The following PCDHGA5 variants were observed in gnomAD, a reference collection of about 807,000 sequenced individuals.
The protein encoded by PCDHGA5 is protocadherin gamma-A5.
A neutral mutation model predicts 56.7 loss-of-function variants in PCDHGA5; 36 were observed. That is an observed-to-expected ratio of 0.64 (90% CI 0.49 to 0.84). The LOEUF (loss-of-function observed/expected upper bound fraction) is 0.84, where lower values mean the gene tolerates loss of function less well. Among genes scored for constraint, PCDHGA5 ranks in the 40% least tolerant of loss-of-function variants. The probability of loss-of-function intolerance (pLI) is 0.00; values close to 1 mark genes in which losing one functional copy is unlikely to be tolerated. For synonymous variants in PCDHGA5, 563 were observed against 520.2 expected, an observed-to-expected ratio of 1.08 and a Z score of -1.12; for missense variants, 1,305 against 1,201.5, an observed-to-expected ratio of 1.09 and a Z score of -1.27.
intron 1 of PCDHGA5, chr5:141,398,655 A>G (rs760602313): frequency 3.1e-6 from 5 of 1,614,034 alleles, no homozygotes; most frequent in Non-Finnish European, 4.2e-6. Context: ...CTCTTAACCC[A>G]AGTTTCTCAT....
chr5:141,419,729 G>T (rs1436631336), intron 1 of PCDHGA5: 1 of 1,613,758 alleles, frequency 6.2e-7, no homozygotes, highest in Admixed American at 1.7e-5. Context: ...GCTGCGAACA[G>T]GCGAGGTGCG....
chr5:141,390,464 T>C (rs2092153361), intron 1 of PCDHGA5: 3 of 718,912 alleles, frequency 4.2e-6, no homozygotes, highest in Admixed American at 3.0e-5. Flanking sequence ...GTAGGAGCAA[T>C]TGTGTGGCCC....
chr5:141,474,488 A>C (rs2099350464), intron 1 of PCDHGA5, among the ~76,000 whole-genome samples: 1 of 152,208 alleles, frequency 6.6e-6, no homozygotes. Flanking sequence ...AATGTATTCT[A>C]TCTTCTAATG....
chr5:141,387,866 G>A, intron 1 of PCDHGA5: 2 of 1,590,640 alleles, frequency 1.3e-6, no homozygotes, highest in South Asian at 1.1e-5. Context: ...TGGTGAGCAA[G>A]CTGAGGAGAG....
chr5:141,366,466 G>A lies in PCDHGA5; in HGVS notation c.2136G>A (p.Leu712=). 1 of 1,614,228 alleles carries A rather than the reference G, an allele frequency of 6.2e-7. No individual in the cohort carries two copies. Among genetic ancestry groups the A allele is most frequent in the Non-Finnish European group, 8.5e-7 (1 of 1,180,050 alleles). Reference sequence around the variant, plus strand: ...TCCTGGCCTTCGTCATCGTGCTGCTGGTGCTCAGACTGAGGCGCTGGCACA... The same window carrying A: ...TCCTGGCCTTCGTCATCGTGCTGCTAGTGCTCAGACTGAGGCGCTGGCACA... The part of the protein sequence containing the change: ...CVFLAFVIVL[L]VLRLRRWHKS... Residue 712 remains leucine, a synonymous_variant, in exon 1 of 4, where the codon CTG becomes CTA. Transcript: ENST00000518069.
Position 141,487,421 on chromosome 5 carries a change from C to T in PCDHGA5, c.2422-7386C>T. ...GGGGCTTCCCCCTTCCAATGGGATC[C>T]TCCGAATCCAGCTAGGGTCAGATGA... On this transcript the variant is annotated intron_variant, in intron 1 of 3. Coordinates refer to ENST00000518069, the MANE Select transcript of PCDHGA5 (RefSeq NM_018918.3). This position sits in a 1 kb window ranked among gnomAD's most constrained non-coding sequence, Gnocchi z 5.0. The T allele has an allele frequency of 6.2e-7, 1 of 1,614,144 alleles. No homozygotes were observed. The highest frequency in any genetic ancestry group is 1.1e-5 in the South Asian group (1 of 91,082).
At chr5:141,471,046 C>CT (rs1170588345) in intron 1 of PCDHGA5, among the ~76,000 whole-genome samples, 3,156 of 113,234 alleles carry the variant, frequency 0.028, 57 homozygotes, top group African/African-American at 0.046. Context: ...CCCAAGCCCT[C>CT]TTTTTTTTTT....
chr5:141,371,003 A>G (rs945261754), intron 1 of PCDHGA5: 20 of 1,613,844 alleles, frequency 1.2e-5, no homozygotes, highest in Non-Finnish European at 1.6e-5. Flanking sequence ...TGGACAGGGA[A>G]GAGCAGCCAC....
At chr5:141,372,540 C>T (rs1208837944) in intron 1 of PCDHGA5, 2 of 1,614,012 alleles carry the variant, frequency 1.2e-6, no homozygotes, top group Non-Finnish European at 1.7e-6. Flanking sequence ...CCTGCGCCTG[C>T]GATGCTCCTC....
rs779191558 is a variant in PCDHGA5 at position 141,491,465 on chromosome 5, A to T, written c.2422-3342A>T. 3.1e-6 allele frequency: 5 copies of T among 1,614,092 alleles called. No homozygotes were observed. Among genetic ancestry groups the T allele is most frequent in the Non-Finnish European group, 4.2e-6 (5 of 1,180,010 alleles). On this transcript the variant is annotated intron_variant, in intron 1 of 3. Transcript: ENST00000518069. The surrounding 1 kb of genome is among the most constrained non-coding windows in gnomAD (Gnocchi z 6.9). ...CAGGACTCACCCTCCCCGGACTTCT[A>T]TAAGCAGTCCAGCCCCAACCTGCAG... is the stretch of plus-strand genomic sequence containing the variant.
chr5:141,403,984 A>C, intron 1 of PCDHGA5: 1 of 1,613,892 alleles, frequency 6.2e-7, no homozygotes, highest in South Asian at 1.1e-5. Flanking sequence ...ATGACAATAG[A>C]CCTGAAGTGA....
Position 141,493,788 on chromosome 5 carries a change from C to A in PCDHGA5, c.2422-1019C>A, listed in dbSNP as rs2099750132. On this transcript the variant is annotated intron_variant, in intron 1 of 3. Transcript: ENST00000518069. This position sits in a 1 kb window ranked among gnomAD's most constrained non-coding sequence, Gnocchi z 4.3. ...ACTGGCAGTTCCGGAGCTTCCTTCT[C>A]CCTGGAGTAATCTGAGATACTCACA... 6.6e-6 allele frequency among the ~76,000 whole-genome samples: 1 copy of A among 152,162 alleles called. No homozygotes were observed. The highest frequency in any genetic ancestry group is 1.5e-5 in the Non-Finnish European group (1 of 68,026).
intron 1 of PCDHGA5, chr5:141,410,503 A>G: frequency 6.2e-7 from 1 of 1,613,958 alleles, no homozygotes; most frequent in Non-Finnish European, 8.5e-7. Context: ...TTAATTTCCT[A>G]AAATGCAGTG....
At chr5:141,419,663 G>A in intron 1 of PCDHGA5, 1 of 1,612,826 alleles carries the variant, frequency 6.2e-7, no homozygotes, top group Non-Finnish European at 8.5e-7. Flanking sequence ...GGGGCACAAT[G>A]CCTGGCTGTC....
Position 141,476,165 on chromosome 5 carries a change from G to A in PCDHGA5, c.2422-18642G>A. ...CGGACTGGTAAGCACCGGGAGGGTA[G>A]TGGGAGTTTTGCTTCTGCTTGGTGC... On this transcript the variant is annotated intron_variant, in intron 1 of 3. Coordinates refer to ENST00000518069, the MANE Select transcript of PCDHGA5 (RefSeq NM_018918.3). This position sits in a 1 kb window ranked among gnomAD's most constrained non-coding sequence, Gnocchi z 7.6. 1 of 1,613,228 alleles carries A rather than the reference G, an allele frequency of 6.2e-7. No homozygotes were observed.
intron 1 of PCDHGA5, among the ~76,000 whole-genome samples, chr5:141,473,858 C>T (rs569473917): frequency 6.6e-6 from 1 of 152,168 alleles, no homozygotes; most frequent in Non-Finnish European, 1.5e-5. Flanking sequence ...ATGAACCTCG[C>T]TATTGTGGAG....
At chr5:141,430,834 G>T (rs1317415848) in intron 1 of PCDHGA5, 1 of 1,557,712 alleles carries the variant, frequency 6.4e-7, no homozygotes, top group Non-Finnish European at 8.7e-7. Context: ...CTCTGTGGGA[G>T]ACCGGATGCA....
At chr5:141,497,677 C>T in intron 2 of PCDHGA5, among the ~76,000 whole-genome samples, 1 of 151,836 alleles carries the variant, frequency 6.6e-6, no homozygotes, top group East Asian at 1.9e-4. Context: ...GTAGCTGGGA[C>T]AGCAGGTGTG....
chr5:141,490,419 G>T lies in PCDHGA5; in HGVS notation c.2422-4388G>T, dbSNP rs1424302713. ...TGAGCCTTGATATCTCTCCGGACCT[G>T]CCATTTCAGATTAAGCCTTCTGAGA... is the stretch of plus-strand genomic sequence containing the variant. On this transcript the variant is annotated intron_variant, in intron 1 of 3. Transcript: ENST00000518069. The surrounding 1 kb of genome is among the most constrained non-coding windows in gnomAD (Gnocchi z 5.4). The T allele has an allele frequency of 6.2e-7, 1 of 1,614,170 alleles. No homozygotes were observed. The highest frequency in any genetic ancestry group is 8.5e-7 in the Non-Finnish European group (1 of 1,180,020).
Sources: gnomAD v4.1 joint callset for allele counts (sites outside exome capture counted in the v4.1 genomes callset) on GRCh38, gnomAD v4.1.1 for gene constraint, Gnocchi (gnomAD v3.1) non-coding constraint, MANE v1.5 for transcripts, NCBI Gene and HGNC (gene_info 2026-07-23, HGNC 2026-07-21) for gene names.